ATP1A3: variants seen among roughly 807,000 people sequenced by gnomAD.
ATP1A3 encodes the protein sodium/potassium-transporting ATPase subunit alpha-3.
In ATP1A3, 12 loss-of-function variants were observed where a neutral mutation model predicts 108.8. The ratio of observed to expected loss-of-function variants is 0.11; its 90% CI spans 0.07 to 0.18. ATP1A3 has a LOEUF of 0.18. Among genes scored for constraint, ATP1A3 ranks in the 10% least tolerant of loss-of-function variants. The pLI is 1.00. For missense variants in ATP1A3, 498 were observed against 1,387.7 expected, an observed-to-expected ratio of 0.36 and a Z score of 10.19; for synonymous variants, 539 against 564.5, an observed-to-expected ratio of 0.95 and a Z score of 0.64.
At chr19:41,993,002 C>T (rs1285905792) in intron 1 of ATP1A3, 1 of 146,196 alleles carries the variant, frequency 6.8e-6, no homozygotes, top group African/African-American at 2.6e-5. Context: ...CCTTCCCAGC[C>T]CCCCGGCCCA....
intron 1 of ATP1A3, chr19:41,993,477 C>G: frequency 6.5e-7 from 1 of 1,526,748 alleles, no homozygotes; most frequent in Non-Finnish European, 8.8e-7. Flanking sequence ...CACTGCAGCC[C>G]CAGGCTGCGA....
intron 15 of ATP1A3, among the ~76,000 whole-genome samples, chr19:41,976,214 C>T (rs1255246201): frequency 1.3e-5 from 2 of 148,828 alleles, no homozygotes; most frequent in Non-Finnish European, 3.0e-5. Flanking sequence ...GTCCAGGCCC[C>T]CTCCCTCAGA....
At chr19:41,993,688 C>T (rs782703390) in intron 1 of ATP1A3, 17 of 606,282 alleles carry the variant, frequency 2.8e-5, no homozygotes, top group Non-Finnish European at 3.8e-5. Flanking sequence ...CGAGCTCTCA[C>T]AGACACACCC....
intron 16 of ATP1A3, among the ~76,000 whole-genome samples, chr19:41,971,506 T>A (rs771771902): frequency 1.3e-5 from 2 of 152,114 alleles, no homozygotes; most frequent in African/African-American, 4.8e-5. Context: ...CAACCCCATG[T>A]CCATCAACAG....
chr19:41,976,136 GC>G (rs781868769), intron 15 of ATP1A3, among the ~76,000 whole-genome samples: 5 of 137,382 alleles, frequency 3.6e-5, no homozygotes, highest in Non-Finnish European at 7.8e-5. Context: ...AAGGGTCCAG[GC>G]CCCCACCCCC....
rs1555860785 is a variant in ATP1A3 at position 41,975,645 on chromosome 19, G to A, written c.2247C>T (p.Val749=). The change falls in exon 16 of 23, where the codon GTC becomes GTT. Residue 749 remains valine, a synonymous_variant. Coordinates refer to ENST00000648268, the MANE Select transcript of ATP1A3 (RefSeq NM_152296.5). ...CCAACTCACCCTCCTCCACCCCTGT[G>A]ACGATGGAGGCAAAGTTGTCGTCCA... The part of the protein sequence containing the change: ...ILLDDNFASI[V]TGVEEGRLIF... 1 of 1,614,092 alleles carries A rather than the reference G, an allele frequency of 6.2e-7. No individual in the cohort carries two copies. The highest frequency in any genetic ancestry group is 8.5e-7 in the Non-Finnish European group (1 of 1,179,982).
intron 14 of ATP1A3, among the ~76,000 whole-genome samples, chr19:41,976,802 A>AT (rs2075175915): frequency 6.6e-6 from 1 of 151,620 alleles, no homozygotes; most frequent in Admixed American, 6.6e-5. Context: ...TTATTTATTT[A>AT]TTATTTATTT....
intron 16 of ATP1A3, among the ~76,000 whole-genome samples, chr19:41,972,790 AGGAAGGAAGGAAGG>A (rs1489769940): frequency 3.9e-4 from 54 of 137,338 alleles, no homozygotes; most frequent in African/African-American, 1.3e-3. Flanking sequence ...GGGAGGGGGA[AGGAAGGAAGGAAGG>A]GGAAGGAAGG....
At chr19:41,990,348 T>G (rs147600116) in intron 1 of ATP1A3, among the ~76,000 whole-genome samples, 8 of 151,862 alleles carry the variant, frequency 5.3e-5, no homozygotes, top group Non-Finnish European at 1.0e-4. Flanking sequence ...TCTCTTTCTC[T>G]CTCTCTCTCT....
At chr19:41,972,866 G>GC (rs1555860236) in intron 16 of ATP1A3, among the ~76,000 whole-genome samples, 9 of 133,060 alleles carry the variant, frequency 6.8e-5, no homozygotes, top group African/African-American at 2.5e-4. Flanking sequence ...AGGAAAGAAG[G>GC]AAGGAAGGCA....
Position 41,975,661 on chromosome 19 carries a change from T to C in ATP1A3, c.2231A>G (p.Asn744Ser). The C allele has an allele frequency of 6.2e-7, 1 of 1,614,120 alleles. No individual in the cohort carries two copies. The highest frequency in any genetic ancestry group is 8.5e-7 in the Non-Finnish European group (1 of 1,179,992). Residue 744 changes from asparagine (N) to serine (S), a missense_variant, in exon 16 of 23, where the codon AAC (asparagine) becomes AGC (serine). Transcript: ENST00000648268. ...CACCCCTGTGACGATGGAGGCAAAG[T>C]TGTCGTCCAGCAGGATCATGTCAGC... ...QAADMILLDD[N>S]FASIVTGVEE...
chr19:41,971,093 A>G (rs1159695082), intron 16 of ATP1A3, among the ~76,000 whole-genome samples: 1 of 151,984 alleles, frequency 6.6e-6, no homozygotes, highest in Non-Finnish European at 1.5e-5. Context: ...CCTCCCATGT[A>G]GCTGAGACTA....
chr19:41,979,094 C>G (rs1555862502), intron 11 of ATP1A3, among the ~76,000 whole-genome samples: 1 of 152,018 alleles, frequency 6.6e-6, no homozygotes, highest in African/African-American at 2.4e-5. Context: ...CCTCCACCTC[C>G]TGGGTTCAAG....
Position 41,967,944 on chromosome 19 carries a change from AAGAT to A in ATP1A3, c.2820-185_2820-182del, listed in dbSNP as rs1323779311. Among the ~76,000 whole-genome samples, 56 of 152,128 alleles carry A rather than the reference AAGAT, an allele frequency of 3.7e-4. No homozygotes were observed. The highest frequency in any genetic ancestry group is 8.7e-4 in the African/African-American group (36 of 41,504). ...AGACATGCCCCGACAGAGAGAGACA[AAGAT>A]AGAGGCAGAGCGATGGTGACACAGA... is the stretch of plus-strand genomic sequence containing the variant. On this transcript the variant is annotated intron_variant, in intron 20 of 22. Coordinates refer to ENST00000648268, the MANE Select transcript of ATP1A3 (RefSeq NM_152296.5). The surrounding 1 kb of genome is among the most constrained non-coding windows in gnomAD (Gnocchi z 4.2).
At chr19:41,972,562 C>T (rs1055281881) in intron 16 of ATP1A3, among the ~76,000 whole-genome samples, 10 of 151,862 alleles carry the variant, frequency 6.6e-5, no homozygotes, top group Admixed American at 1.3e-4. Context: ...GTCAGGAGAT[C>T]GAGACTATCC....
Position 41,972,249 on chromosome 19 carries a change from C to CA in ATP1A3, c.2264-1708dup, listed in dbSNP as rs1406175785. On this transcript the variant is annotated intron_variant, in intron 16 of 22. Coordinates refer to ENST00000648268, the MANE Select transcript of ATP1A3 (RefSeq NM_152296.5). Reference sequence around the variant, plus strand: ...TGGGCAACAGAGCAAGACTCCATCTCAAAAAAATAAAATAAAATAAAATAA... The same window carrying CA: ...TGGGCAACAGAGCAAGACTCCATCTCAAAAAAAATAAAATAAAATAAAATAA... 2.6e-5 allele frequency among the ~76,000 whole-genome samples: 4 copies of CA among 151,148 alleles called. No individual in the cohort carries two copies. In the East Asian group the frequency reaches 5.8e-4, roughly 22 times the overall value.
chr19:41,969,858 A>G (rs1232422214), intron 18 of ATP1A3, among the ~76,000 whole-genome samples: 1 of 152,206 alleles, frequency 6.6e-6, no homozygotes, highest in Non-Finnish European at 1.5e-5. Flanking sequence ...CCTAAACATC[A>G]TGAATTCTTG....
Position 41,985,724 on chromosome 19 carries a change from A to G in ATP1A3, c.606+140T>C, listed in dbSNP as rs972793351. 3.1e-6 allele frequency: 4 copies of G among 1,305,620 alleles called. No homozygotes were observed. Among genetic ancestry groups the G allele is most frequent in the Admixed American group, 2.4e-5 (1 of 40,958 alleles). The allele number at this position is 1,305,620 out of a possible 1,614,324, so 80.9% of individuals were successfully genotyped here. A position where few individuals can be genotyped will look rare whatever the true frequency, so the allele number is the denominator to read the frequency against. On this transcript the variant is annotated intron_variant, in intron 6 of 22. Coordinates refer to ENST00000648268, the MANE Select transcript of ATP1A3 (RefSeq NM_152296.5). This position sits in a 1 kb window ranked among gnomAD's most constrained non-coding sequence, Gnocchi z 8.2. ...CCTAAACTCCTGGGTCTGAGGGAGG[A>G]GGGCCTGGGGGCCTGGACTCCTGGG...
At chr19:41,991,835 G>A (rs1428915309) in intron 1 of ATP1A3, among the ~76,000 whole-genome samples, 4 of 150,554 alleles carry the variant, frequency 2.7e-5, no homozygotes, top group Non-Finnish European at 5.9e-5. Flanking sequence ...AGGGAGGAGG[G>A]GCCAGGGCCT....
Sources: allele counts gnomAD v4.1 joint callset (sites outside exome capture counted in the v4.1 genomes callset), GRCh38; gene constraint gnomAD v4.1.1; non-coding constraint Gnocchi (gnomAD v3.1); transcripts MANE v1.5; gene names NCBI Gene and HGNC (gene_info 2026-07-23, HGNC 2026-07-21).